PATJ: variants seen among roughly 807,000 people sequenced by gnomAD.
The protein encoded by PATJ is inaD-like protein.
PATJ carries 190 observed loss-of-function variants against 224.9 expected under a neutral mutation model. That is an observed-to-expected ratio of 0.84 (90% CI 0.75 to 0.95). The LOEUF (loss-of-function observed/expected upper bound fraction) is 0.95, where lower values mean the gene tolerates loss of function less well. PATJ is among the 40% of genes least tolerant of loss of function. The pLI is 0.00. For synonymous variants in PATJ, 769 were observed against 820.3 expected, an observed-to-expected ratio of 0.94 and a Z score of 1.07; for missense variants, 2,121 against 2,270.3, an observed-to-expected ratio of 0.93 and a Z score of 1.34.
rs769833245 is a variant in PATJ, at chr1:61,812,407, T to TGA, written c.1683+3903_1683+3904dup. Among the ~76,000 whole-genome samples the TGA allele has an allele frequency of 6.4e-3, 511 of 79,628 alleles. 3 individuals are homozygous for TGA. The highest frequency in any genetic ancestry group is 0.012 in the African/African-American group (260 of 20,906). 52.2% of individuals were successfully genotyped at this position (79,628 alleles called of 152,430 possible). The stretch of plus-strand genomic sequence containing the variant: ...GAGAGAGAGAGAGAATGTGAGTGAC[T>TGA]GAGAGAGAGAGAGAGAGAGAGAGAG... On this transcript the variant is annotated intron_variant, in intron 14 of 43. Coordinates refer to ENST00000642238, the MANE Select transcript of PATJ (RefSeq NM_001350145.3).
rs569423554 is a variant in PATJ at position 61,751,213 on chromosome 1, G to C, written c.-36+8658G>C. Among the ~76,000 whole-genome samples, 27 of 151,918 alleles carry C rather than the reference G, an allele frequency of 1.8e-4. No individual in the cohort carries two copies. In the South Asian group the frequency reaches 4.0e-3, roughly 22 times the overall value. On this transcript the variant is annotated intron_variant, in intron 1 of 43. Coordinates refer to ENST00000642238, the MANE Select transcript of PATJ (RefSeq NM_001350145.3). Reference sequence around the variant, plus strand: ...GACGGGGTTTCACAATGTTGGCCAGGCTGGTCTCAAACTCCTGGCCTCAAG... The same window carrying C: ...GACGGGGTTTCACAATGTTGGCCAGCCTGGTCTCAAACTCCTGGCCTCAAG...
At chr1:62,019,955 G>A (rs1015294885) in intron 29 of PATJ, among the ~76,000 whole-genome samples, 4 of 152,068 alleles carry the variant, frequency 2.6e-5, no homozygotes, top group Admixed American at 2.6e-4. Flanking sequence ...GATGGCTTGA[G>A]TTCAGGAGTT....
chr1:62,110,124 C>T (rs1433294458), intron 34 of PATJ, among the ~76,000 whole-genome samples: 7 of 152,308 alleles, frequency 4.6e-5, no homozygotes, highest in East Asian at 3.9e-4. Context: ...ATGGCCTATA[C>T]GTCTCATTAA....
intron 33 of PATJ, among the ~76,000 whole-genome samples, chr1:62,106,154 G>GTATATATATATATATATATATATA (rs1357638316): frequency 2.1e-5 from 1 of 48,464 alleles, no homozygotes; most frequent in Admixed American, 2.3e-4. Context: ...ATGTGTGTGT[G>GTATATATATATATATATATATATA]TGTGTATATA....
chr1:61,780,296 G>T lies in PATJ; in HGVS notation c.849+4962G>T, dbSNP rs577219322. On this transcript the variant is annotated intron_variant, in intron 7 of 43. Coordinates refer to ENST00000642238, the MANE Select transcript of PATJ (RefSeq NM_001350145.3). ...CTGGCCAACATGGTGAAACCCCGTC[G>T]CTACTAAAAATACAAAAAATTAGCC... Among the ~76,000 whole-genome samples the T allele has an allele frequency of 2.1e-4, 32 of 151,896 alleles. 1 individual carries two copies. Among genetic ancestry groups the T allele is most frequent in the African/African-American group, 7.0e-4 (29 of 41,448 alleles).
intron 27 of PATJ, among the ~76,000 whole-genome samples, chr1:61,957,246 A>G (rs984369011): frequency 1.1e-4 from 16 of 151,860 alleles, no homozygotes; most frequent in African/African-American, 3.6e-4. Flanking sequence ...ATGGCTCACT[A>G]AAGAAAAGGG....
At chr1:62,073,249 CTGTATCA>C (rs1215301251) in intron 31 of PATJ, 1 of 985,150 alleles carries the variant, frequency 1.0e-6, no homozygotes, top group East Asian at 1.1e-4. Context: ...CAAGCCACAA[CTGTATCA>C]TTGATTCTGT....
intron 31 of PATJ, chr1:62,078,869 T>G (rs1658784441): frequency 6.6e-6 from 1 of 152,464 alleles, no homozygotes; most frequent in Admixed American, 6.6e-5. Flanking sequence ...GGAGCTATGC[T>G]TCCTTTATGT....
At chr1:62,072,196 A>G (rs1381435094) in intron 31 of PATJ, among the ~76,000 whole-genome samples, 3 of 152,186 alleles carry the variant, frequency 2.0e-5, no homozygotes, top group Admixed American at 1.3e-4. Flanking sequence ...GTGTTTAGGC[A>G]GTTTGGATTC....
chr1:62,116,577 C>T lies in PATJ; in HGVS notation c.4701C>T (p.Ala1567=), dbSNP rs371984333. ...VFISDIVKGG[A]ADLDGRLIQG... is the part of the protein sequence containing the mutation. The stretch of plus-strand genomic sequence containing the variant: ...TTTCTGACATCGTGAAAGGCGGAGC[C>T]GCAGACCTGGATGGGAGATTGATTC... The change falls in exon 36 of 44, where the codon GCC becomes GCT. Residue 1567 remains alanine (A), a synonymous_variant. Coordinates refer to ENST00000642238, the MANE Select transcript of PATJ (RefSeq NM_001350145.3). 66 of 1,613,912 alleles carry T rather than the reference C, an allele frequency of 4.1e-5. No individual in the cohort carries two copies. In the African/African-American group the frequency reaches 5.1e-4, roughly 12 times the overall value.
intron 15 of PATJ, among the ~76,000 whole-genome samples, chr1:61,824,535 C>T (rs2148733165): frequency 6.6e-6 from 1 of 150,940 alleles, no homozygotes; most frequent in East Asian, 2.0e-4. Context: ...AAGCAATCTT[C>T]CCACCTCAAC....
chr1:62,057,456 T>C (rs993023125), intron 31 of PATJ, among the ~76,000 whole-genome samples: 15 of 152,176 alleles, frequency 9.9e-5, no homozygotes, highest in African/African-American at 3.4e-4. Context: ...CTGCAGGAGA[T>C]GACTCCCAGT....
Position 61,973,428 on chromosome 1 carries a change from C to G in PATJ, c.3671-16740C>G, listed in dbSNP as rs377555405. On this transcript the variant is annotated intron_variant, in intron 27 of 43. Transcript: ENST00000642238. The stretch of plus-strand genomic sequence containing the variant: ...GAGAGAAGTTCCACGCTATCAGTCA[C>G]TAAAGGAACCAGGTCAGTTTGGCAA... 3.9e-5 allele frequency among the ~76,000 whole-genome samples: 6 copies of G among 152,190 alleles called. No individual in the cohort carries two copies. The South Asian group carries it at 6.2e-4, about 16-fold the overall frequency.
chr1:62,060,634 G>A (rs1655268800), intron 31 of PATJ, among the ~76,000 whole-genome samples: 1 of 152,122 alleles, frequency 6.6e-6, no homozygotes, highest in Non-Finnish European at 1.5e-5. Flanking sequence ...TGGTAGGTGG[G>A]AGGGAGTGAG....
intron 33 of PATJ, among the ~76,000 whole-genome samples, chr1:62,087,836 A>G (rs1425994365): frequency 6.6e-6 from 1 of 151,692 alleles, no homozygotes; most frequent in African/African-American, 2.4e-5. Flanking sequence ...GGCTTCATAC[A>G]TACAGGAATT....
At chr1:62,121,729 G>A (rs145150348) in intron 38 of PATJ, among the ~76,000 whole-genome samples, 2,990 of 151,584 alleles carry the variant, frequency 0.02, 43 homozygotes, top group Middle Eastern at 0.097. Context: ...AGCCAAGATC[G>A]TGCCACTGCA....
rs1280713118 is a variant in PATJ, at chr1:61,826,214, A to ATATGTTACAGGCTT, written c.1819-1208_1819-1207insTATGTTACAGGCTT. On this transcript the variant is annotated intron_variant, in intron 15 of 43. Transcript: ENST00000642238. ...AAGTGCTTGATATGTTACAGGCTTG[A>ATATGTTACAGGCTT]GAGTGGTTCCCAGGAATAGTGGACC... Among the ~76,000 whole-genome samples the ATATGTTACAGGCTT allele has an allele frequency of 6.6e-5, 10 of 152,294 alleles. 1 individual carries two copies. The highest frequency in any genetic ancestry group is 2.4e-4 in the African/African-American group (10 of 41,562).
chr1:62,087,714 G>A (rs1189600577), intron 33 of PATJ, among the ~76,000 whole-genome samples: 1 of 151,206 alleles, frequency 6.6e-6, no homozygotes, highest in East Asian at 2.0e-4. Context: ...GAACCTGAAA[G>A]GATTTTATCT....
chr1:61,995,924 A>C (rs1645327284), intron 28 of PATJ, among the ~76,000 whole-genome samples: 1 of 152,172 alleles, frequency 6.6e-6, no homozygotes, highest in Non-Finnish European at 1.5e-5. Flanking sequence ...TGTGCAGGGA[A>C]TTGGAGTGAT....
Sources: allele counts gnomAD v4.1 joint callset (sites outside exome capture counted in the v4.1 genomes callset), GRCh38; gene constraint gnomAD v4.1.1; transcripts MANE v1.5; gene names NCBI Gene and HGNC (gene_info 2026-07-23, HGNC 2026-07-21).